HDX: variants seen among roughly 807,000 people sequenced by gnomAD.
HDX encodes chromosome X open reading frame 43.
HDX carries 19 observed loss-of-function variants against 45.2 expected under a neutral mutation model. That is an observed-to-expected ratio of 0.42 (90% CI 0.29 to 0.62). The LOEUF is 0.62. Among genes scored for constraint, HDX ranks in the 20% least tolerant of loss-of-function variants. The pLI is 0.20. For missense variants in HDX, 532 were observed against 493.9 expected (o/e 1.08, Z -0.73); for synonymous variants, 188 against 172.8 (o/e 1.09, Z -0.69).
chrX:84,334,923 TAC>T (rs1346879510), intron 8 of HDX, among the ~76,000 whole-genome samples: 2 of 110,779 alleles, frequency 1.8e-5, no homozygotes, highest in Admixed American at 1.9e-4. Context: ...TGTGTGTGTA[TAC>T]ACACACGTAT....
chrX:84,494,011 TA>T (rs1402982445), intron 1 of HDX, among the ~76,000 whole-genome samples: 1 of 110,027 alleles, frequency 9.1e-6, no homozygotes, highest in East Asian at 2.9e-4. Flanking sequence ...AATTTAAGAA[TA>T]AAAAAATTAA....
At chrX:84,475,932 A>T (rs2040540626) in intron 2 of HDX, among the ~76,000 whole-genome samples, 1 of 112,156 alleles carries the variant, frequency 8.9e-6, no homozygotes, top group Admixed American at 9.5e-5. Flanking sequence ...AAATATAAAC[A>T]TGAAGGTTTA....
chrX:84,347,895 T>C (rs193250983), intron 6 of HDX, among the ~76,000 whole-genome samples: 2 of 111,721 alleles, frequency 1.8e-5, no homozygotes, highest in Admixed American at 9.5e-5. Context: ...TCAATGATTT[T>C]TACAGTTTGA....
chrX:84,394,671 G>A (rs1201309657), intron 5 of HDX, among the ~76,000 whole-genome samples: 1 of 110,750 alleles, frequency 9.0e-6, no homozygotes, highest in East Asian at 2.8e-4. Flanking sequence ...ATATATCTAG[G>A]TGCTCCAGTG....
intron 7 of HDX, among the ~76,000 whole-genome samples, chrX:84,343,430 A>G (rs1392719268): frequency 9.1e-6 from 1 of 110,453 alleles, no homozygotes; most frequent in Non-Finnish European, 1.9e-5. Context: ...CAACAAATCA[A>G]CAACAACAAA....
At chrX:84,337,701 ATT>A (rs1428730460) in intron 7 of HDX, among the ~76,000 whole-genome samples, 2 of 111,647 alleles carry the variant, frequency 1.8e-5, no homozygotes, top group Non-Finnish European at 3.8e-5. Context: ...GAGGAATAGG[ATT>A]GTTTCTATTT....
In HDX at chrX:84,326,248, T is replaced by C; in HGVS notation, c.1877A>G (p.Tyr626Cys). ...TCTAACAAAAGTCTGAAGTTTAAAG[T>C]ATTTTTGCTTTTGAATCTCGAGCTC... ...ENELEIQKQK[Y>C]FKLQTFVRSL... The change falls in exon 10 of 11, where the codon TAC becomes TGC. Residue 626 changes from tyrosine (Y) to cysteine (C), a missense_variant. By Grantham distance (194) the Tyr-to-Cys change is radical. This residue lies in a region of HDX where 151 missense variants were observed against 131.8 expected (regional missense o/e 1.15). Transcript: ENST00000373177. 2.5e-6 allele frequency: 3 copies of C among 1,193,448 alleles called. No homozygotes were observed. The highest frequency in any genetic ancestry group is 3.4e-6 in the Non-Finnish European group (3 of 879,277).
At chrX:84,324,376 G>T (rs1236814797) in intron 10 of HDX, among the ~76,000 whole-genome samples, 1 of 111,580 alleles carries the variant, frequency 9.0e-6, no homozygotes, top group African/African-American at 3.2e-5. Flanking sequence ...ATGATGTAAA[G>T]ATCAGTAGTT....
chrX:84,452,537 C>CAAAAAAAAAAAAAAAAACAA (rs58737273), intron 4 of HDX, among the ~76,000 whole-genome samples: 1 of 53,893 alleles, frequency 1.9e-5, no homozygotes, highest in Non-Finnish European at 3.8e-5. Flanking sequence ...AAGCTCATTA[C>CAAAAAAAAAAAAAAAAACAA]AAAAAAAAAA....
At chrX:84,367,380 G>C (rs946846599) in intron 5 of HDX, among the ~76,000 whole-genome samples, 1 of 112,233 alleles carries the variant, frequency 8.9e-6, no homozygotes, top group Non-Finnish European at 1.9e-5. Flanking sequence ...TGAAGAAATA[G>C]GAACGCTTTT....
At position 84,319,441 on chromosome X, in the gene HDX, A is replaced by G; in HGVS notation, c.*2448T>C. On this transcript the variant is annotated 3_prime_UTR_variant, in exon 11 of 11. Coordinates refer to ENST00000373177, the MANE Select transcript of HDX (RefSeq NM_001177479.2). ...TCAAAGTCTACCATGAATAATTTCA[A>G]TCTGGCAATTATGATTCTTTTTCTA... The G allele has an allele frequency of 9.0e-6, 1 of 111,624 alleles. No homozygotes were observed. The highest frequency in any genetic ancestry group is 9.5e-5 in the Admixed American group (1 of 10,522). The allele number at this position is 111,624 out of a possible 1,213,427, so 9.2% of individuals were successfully genotyped here. A position where few individuals can be genotyped will look rare whatever the true frequency, so the allele number is the denominator to read the frequency against.
chrX:84,422,411 GA>G (rs1385384913), intron 5 of HDX, among the ~76,000 whole-genome samples: 2 of 109,715 alleles, frequency 1.8e-5, no homozygotes, highest in Non-Finnish European at 3.8e-5. Context: ...CCTACATCAA[GA>G]AAAAAAATCT....
At chrX:84,399,635 A>G (rs2038650868) in intron 5 of HDX, among the ~76,000 whole-genome samples, 1 of 111,869 alleles carries the variant, frequency 8.9e-6, no homozygotes. Flanking sequence ...TACCAGAGGT[A>G]CAACAAGGAG....
At chrX:84,395,930 A>ATC (rs200901589) in intron 5 of HDX, among the ~76,000 whole-genome samples, 27,890 of 110,607 alleles carry the variant, frequency 0.25, 2,662 homozygotes, top group Non-Finnish European at 0.3. Flanking sequence ...AATGATGTCT[A>ATC]TCTCTGGCAA....
At chrX:84,458,892 GA>G (rs1032201941) in intron 4 of HDX, among the ~76,000 whole-genome samples, 2 of 108,233 alleles carry the variant, frequency 1.8e-5, no homozygotes, top group East Asian at 2.9e-4. Context: ...AGTGCTTTCA[GA>G]AAAAAAAAGA....
At chrX:84,362,105 T>C (rs1243041405) in intron 5 of HDX, among the ~76,000 whole-genome samples, 2 of 111,564 alleles carry the variant, frequency 1.8e-5, no homozygotes, top group East Asian at 2.8e-4. Flanking sequence ...TAGATATTAG[T>C]TTCCTATTGA....
At chrX:84,433,119 A>G (rs1433222106) in intron 5 of HDX, among the ~76,000 whole-genome samples, 1 of 111,561 alleles carries the variant, frequency 9.0e-6, no homozygotes, top group Admixed American at 9.5e-5. Context: ...CCCATTCTTT[A>G]GGTTGACCTT....
intron 5 of HDX, among the ~76,000 whole-genome samples, chrX:84,430,825 CTCTT>C (rs375985385): frequency 1.0e-4 from 11 of 108,858 alleles, no homozygotes; most frequent in Non-Finnish European, 1.7e-4. Context: ...TTCTTTCTCC[CTCTT>C]TCTTTCTTCT....
chrX:84,333,559 C>A (rs938227291), intron 9 of HDX, among the ~76,000 whole-genome samples, 200 bp downstream of exon 9: 2 of 110,956 alleles, frequency 1.8e-5, no homozygotes, highest in Non-Finnish European at 3.8e-5. Flanking sequence ...TCAGCAAACT[C>A]TTTGCCTAAG....
Sources: allele counts gnomAD v4.1 joint callset (sites outside exome capture counted in the v4.1 genomes callset), GRCh38; gene constraint gnomAD v4.1.1; regional missense constraint gnomAD v4.1.1; transcripts MANE v1.5; gene names NCBI Gene and HGNC (gene_info 2026-07-23, HGNC 2026-07-21).